The following LUZP2 variants were observed in gnomAD, a reference collection of about 807,000 sequenced individuals.
LUZP2 encodes the protein leucine zipper protein 2.
In LUZP2, 52 loss-of-function variants were observed where a neutral mutation model predicts 51.6. The ratio of observed to expected loss-of-function variants is 1.01; its 90% CI spans 0.81 to 1.27. The LOEUF is 1.27. LUZP2 is among the 50% of genes most tolerant of loss of function. LUZP2 has a pLI of 0.00. For missense variants in LUZP2, 436 were observed against 395.4 expected (o/e 1.10, Z -0.87); for synonymous variants, 154 against 137.3 (o/e 1.12, Z -0.85).
At chr11:25,074,949 A>T (rs1859258423) in intron 10 of LUZP2, among the ~76,000 whole-genome samples, 1 of 152,066 alleles carries the variant, frequency 6.6e-6, no homozygotes, top group Non-Finnish European at 1.5e-5. Context: ...CAGGAACTCC[A>T]CTCTTACCAA....
chr11:24,680,495 T>A (rs150303935), intron 1 of LUZP2, among the ~76,000 whole-genome samples: 1 of 152,280 alleles, frequency 6.6e-6, no homozygotes, highest in Non-Finnish European at 1.5e-5. Context: ...TTCCTACAAG[T>A]GGAAAGAAAT....
intron 5 of LUZP2, among the ~76,000 whole-genome samples, chr11:24,870,984 T>C (rs557671495): frequency 1.4e-4 from 21 of 152,066 alleles, no homozygotes; most frequent in Non-Finnish European, 2.5e-4. Flanking sequence ...TTTATACTAG[T>C]ATAAAATATT....
intron 4 of LUZP2, among the ~76,000 whole-genome samples, chr11:24,759,368 G>T (rs1181732335): frequency 1.3e-5 from 2 of 152,074 alleles, no homozygotes; most frequent in Admixed American, 1.3e-4. Context: ...TTTCATGGGT[G>T]TTAAAAATCT....
At chr11:24,689,444 C>T (rs1451164691) in intron 1 of LUZP2, among the ~76,000 whole-genome samples, 1 of 152,192 alleles carries the variant, frequency 6.6e-6, no homozygotes, top group African/African-American at 2.4e-5. Flanking sequence ...TGAGCCTGCT[C>T]ACCCAGCTCC....
At chr11:24,857,095 A>C (rs1172171018) in intron 5 of LUZP2, among the ~76,000 whole-genome samples, 2 of 151,956 alleles carry the variant, frequency 1.3e-5, no homozygotes, top group Non-Finnish European at 2.9e-5. Flanking sequence ...ACGAATAATT[A>C]AAAGGACCAT....
chr11:24,885,873 C>T (rs1852653277), intron 5 of LUZP2, among the ~76,000 whole-genome samples: 1 of 152,104 alleles, frequency 6.6e-6, no homozygotes, highest in Non-Finnish European at 1.5e-5. Context: ...ATTTCCTATA[C>T]AAGAAAACCA....
intron 7 of LUZP2, among the ~76,000 whole-genome samples, chr11:24,952,823 A>T (rs1278317396): frequency 4.6e-5 from 7 of 151,920 alleles, no homozygotes; most frequent in African/African-American, 7.2e-5. Flanking sequence ...TAAAAATAGA[A>T]TGTGCTAAGA....
chr11:24,498,335 T>A (rs1456892599), intron 1 of LUZP2, among the ~76,000 whole-genome samples: 2 of 152,222 alleles, frequency 1.3e-5, no homozygotes, highest in Admixed American at 1.3e-4. Flanking sequence ...TTGTTTCTAA[T>A]TCTGAAATGG....
At chr11:24,988,904 G>C (rs952368856) in intron 9 of LUZP2, among the ~76,000 whole-genome samples, 1 of 151,762 alleles carries the variant, frequency 6.6e-6, no homozygotes, top group Non-Finnish European at 1.5e-5. Context: ...TTTGTATTGT[G>C]TTGTGTCCTC....
intron 1 of LUZP2, among the ~76,000 whole-genome samples, chr11:24,534,959 T>C (rs985714357): frequency 1.3e-5 from 2 of 151,508 alleles, no homozygotes; most frequent in African/African-American, 4.8e-5. Flanking sequence ...TTGGAGATAT[T>C]GTGGGTTGGG....
At chr11:24,524,128 GCCA>G (rs1215597738) in intron 1 of LUZP2, among the ~76,000 whole-genome samples, 5 of 151,786 alleles carry the variant, frequency 3.3e-5, no homozygotes, top group African/African-American at 1.2e-4. Flanking sequence ...AATTGAGCTG[GCCA>G]GTTTTATCAT....
At chr11:24,661,662 T>C (rs1296992753) in intron 1 of LUZP2, among the ~76,000 whole-genome samples, 1 of 152,202 alleles carries the variant, frequency 6.6e-6, no homozygotes, top group African/African-American at 2.4e-5. Context: ...CTAGATATTC[T>C]GTTTCTTGGC....
intron 1 of LUZP2, among the ~76,000 whole-genome samples, chr11:24,562,628 C>T (rs1852082567): frequency 6.7e-6 from 1 of 150,020 alleles, no homozygotes; most frequent in Non-Finnish European, 1.5e-5. Context: ...CTGAGGCGAG[C>T]AGATCACAAG....
chr11:24,661,287 A>C (rs1188002204), intron 1 of LUZP2, among the ~76,000 whole-genome samples: 2 of 152,192 alleles, frequency 1.3e-5, no homozygotes, highest in Non-Finnish European at 2.9e-5. Context: ...GGAGAAATGC[A>C]TCTTGAGCTA....
chr11:24,499,028 C>G (rs1041545926), intron 1 of LUZP2, among the ~76,000 whole-genome samples: 1 of 152,116 alleles, frequency 6.6e-6, no homozygotes, highest in Non-Finnish European at 1.5e-5. Flanking sequence ...AAGCCATTAT[C>G]TTTTCCTTTC....
At chr11:24,687,337 T>C (rs1856927059) in intron 1 of LUZP2, among the ~76,000 whole-genome samples, 1 of 152,136 alleles carries the variant, frequency 6.6e-6, no homozygotes, top group African/African-American at 2.4e-5. Flanking sequence ...AGGGAAATCA[T>C]TGTCATAGGC....
chr11:24,593,423 G>A (rs753303318), intron 1 of LUZP2, among the ~76,000 whole-genome samples: 8 of 152,132 alleles, frequency 5.3e-5, no homozygotes, highest in Non-Finnish European at 8.8e-5. Flanking sequence ...TCTATCAGAT[G>A]TCCACTGAAG....
chr11:24,569,802 A>C (rs530896590), intron 1 of LUZP2, among the ~76,000 whole-genome samples: 3 of 152,134 alleles, frequency 2.0e-5, no homozygotes, highest in Non-Finnish European at 4.4e-5. Flanking sequence ...CTTCACTTGG[A>C]AAAAGAAAAA....
At chr11:24,712,020 C>T (rs1857845897) in intron 1 of LUZP2, among the ~76,000 whole-genome samples, 1 of 152,072 alleles carries the variant, frequency 6.6e-6, no homozygotes, top group Non-Finnish European at 1.5e-5. Context: ...CTTAGTATAC[C>T]ATAGCGTGTT....
Sources: allele counts gnomAD v4.1 joint callset (sites outside exome capture counted in the v4.1 genomes callset), GRCh38; gene constraint gnomAD v4.1.1; transcripts MANE v1.5; gene names NCBI Gene and HGNC (gene_info 2026-07-23, HGNC 2026-07-21).